The following SYPL1 variants were observed in gnomAD, a reference collection of about 807,000 sequenced individuals.
SYPL1 encodes synaptophysin-like protein 1.
Under a neutral mutation model 23.7 loss-of-function variants are expected in SYPL1, and 6 were observed. The ratio of observed to expected loss-of-function variants is 0.25; its 90% CI spans 0.14 to 0.50. The LOEUF is 0.50. Ranked by LOEUF, SYPL1 falls within the 20% of genes least tolerant of loss-of-function variation. The pLI is 0.98. For synonymous variants in SYPL1, 102 were observed against 104.5 expected (o/e 0.98, Z 0.15); for missense variants, 253 against 288.9 (o/e 0.88, Z 0.90).
In SYPL1 at chr7:106,112,120, C is replaced by T; in HGVS notation, c.69+20G>A. ...CGCGCCGAGCGGCAGGCGGGCCTGGCCGGCGCGGGCTGCACTCACCCACTC... is the reference window on the plus strand; with the variant it reads ...CGCGCCGAGCGGCAGGCGGGCCTGGTCGGCGCGGGCTGCACTCACCCACTC... On this transcript the variant is annotated intron_variant, in intron 1 of 4. Coordinates refer to ENST00000455385, the MANE Select transcript of SYPL1 (RefSeq NM_182715.4). The T allele has an allele frequency of 1.4e-6, 2 of 1,441,978 alleles. No homozygotes were observed. Among genetic ancestry groups the T allele is most frequent in the Admixed American group, 2.1e-5 (1 of 48,566 alleles). The allele number at this position is 1,441,978 out of a possible 1,614,324, so 89.3% of individuals were successfully genotyped here. A position where few individuals can be genotyped will look rare whatever the true frequency, so the allele number is the denominator to read the frequency against.
chr7:106,111,276 A>G (rs971531132), intron 1 of SYPL1, among the ~76,000 whole-genome samples: 4 of 152,216 alleles, frequency 2.6e-5, no homozygotes, highest in Admixed American at 2.6e-4. Context: ...CGAAAAAGCT[A>G]TGGATGTAAA....
rs1013855052 is a variant in SYPL1 at position 106,095,739 on chromosome 7, A to C, written c.402+1951T>G. On this transcript the variant is annotated intron_variant, in intron 3 of 4. Coordinates refer to ENST00000455385, the MANE Select transcript of SYPL1 (RefSeq NM_182715.4). This position sits in a 1 kb window ranked among gnomAD's most constrained non-coding sequence, Gnocchi z 4.3. ...TAGAAGCTAGACTTTTATAGACAAG[A>C]AGCACCCATTATGTAACAATAAAAA... Among the ~76,000 whole-genome samples, 14 of 152,196 alleles carry C rather than the reference A, an allele frequency of 9.2e-5. No individual in the cohort carries two copies. The highest frequency in any genetic ancestry group is 3.4e-4 in the African/African-American group (14 of 41,458).
Position 106,090,684 on chromosome 7 carries a change from A to C in SYPL1, c.*1121T>G, listed in dbSNP as rs1373847481. On this transcript the variant is annotated 3_prime_UTR_variant, in exon 5 of 5. Transcript: ENST00000455385. ...CTGTACAACAAAAAGATTAGGAAGC[A>C]AAATGTGAATAAGCTTGTATTCAGA... 6.6e-6 allele frequency: 1 copy of C among 152,618 alleles called. No homozygotes were observed. The highest frequency in any genetic ancestry group is 1.5e-5 in the Non-Finnish European group (1 of 68,048). The allele number at this position is 152,618 out of a possible 1,614,324, so 9.5% of individuals were successfully genotyped here. A position where few individuals can be genotyped will look rare whatever the true frequency, so the allele number is the denominator to read the frequency against.
At chr7:106,101,518 G>A (rs1028737521) in intron 1 of SYPL1, among the ~76,000 whole-genome samples, 26 of 134,870 alleles carry the variant, frequency 1.9e-4, no homozygotes, top group African/African-American at 6.3e-4. Context: ...AGAGTCTGAG[G>A]TAATGTCCAG....
At chr7:106,112,534 C>T (rs200891171), upstream of SYPL1, 1 of 1,510,894 alleles carries the variant, frequency 6.6e-7, no homozygotes, top group East Asian at 2.9e-5. Flanking sequence ...CGCCATACTG[C>T]GTGCGCCGCG....
upstream of SYPL1, chr7:106,112,523 G>A (rs746091652): frequency 6.6e-7 from 1 of 1,518,170 alleles, no homozygotes; most frequent in Non-Finnish European, 8.8e-7. Flanking sequence ...TAGATGTTGG[G>A]CGCCATACTG....
intron 1 of SYPL1, among the ~76,000 whole-genome samples, chr7:106,101,040 T>C (rs1840281834): frequency 1.3e-5 from 2 of 152,198 alleles, no homozygotes; most frequent in African/African-American, 4.8e-5. Flanking sequence ...CTGGAATACA[T>C]GCTTCACTCC....
At position 106,096,124 on chromosome 7, in the gene SYPL1, A is replaced by G. The variant is rs554127823; in HGVS notation, c.402+1566T>C. Among the ~76,000 whole-genome samples the G allele has an allele frequency of 6.6e-6, 1 of 152,228 alleles. No homozygotes were observed. The highest frequency in any genetic ancestry group is 2.1e-4 in the South Asian group (1 of 4,828). ...AAGATTTGAAAAGTCTGCAGAAGAC[A>G]CAGATTCCTAACAAGTATGTTGGAT... On this transcript the variant is annotated intron_variant, in intron 3 of 4. Coordinates refer to ENST00000455385, the MANE Select transcript of SYPL1 (RefSeq NM_182715.4). The surrounding 1 kb of genome is among the most constrained non-coding windows in gnomAD (Gnocchi z 4.4).
At chr7:106,094,249 C>T (rs1295805066) in intron 3 of SYPL1, among the ~76,000 whole-genome samples, 1 of 151,860 alleles carries the variant, frequency 6.6e-6, no homozygotes. Flanking sequence ...TAGGTTGGTG[C>T]AAAAGTTATT....
At position 106,091,639 on chromosome 7, in the gene SYPL1, T is replaced by C. The variant is rs1044015817; in HGVS notation, c.*166A>G. On this transcript the variant is annotated 3_prime_UTR_variant, in exon 5 of 5. Transcript: ENST00000455385. The surrounding 1 kb of genome is among the most constrained non-coding windows in gnomAD (Gnocchi z 5.0). ...TGTGAGAATACATTTACATCTTAAC[T>C]TTCTAGGAAAGGCACAGGCTTTATG... The C allele has an allele frequency of 2.5e-5, 16 of 646,748 alleles. No individual in the cohort carries two copies. The African/African-American group carries it at 3.0e-4, about 12-fold the overall frequency. The allele number at this position is 646,748 out of a possible 1,614,324, so 40.1% of individuals were successfully genotyped here.
intron 1 of SYPL1, among the ~76,000 whole-genome samples, chr7:106,111,502 C>T (rs117783445): frequency 0.014 from 2,207 of 152,290 alleles, 26 homozygotes; most frequent in Middle Eastern, 0.031. Flanking sequence ...TTTGGAAATA[C>T]CCCAAACAAA....
rs1840490686 is a variant in SYPL1 at position 106,104,479 on chromosome 7, A to G, written c.70-5197T>C. Among the ~76,000 whole-genome samples the G allele has an allele frequency of 1.3e-5, 2 of 152,214 alleles. No individual in the cohort carries two copies. Among genetic ancestry groups the G allele is most frequent in the Non-Finnish European group, 2.9e-5 (2 of 68,036 alleles). ...TGCACTACAGCTTGTTGCTTTCAAG[A>G]CTATCACTTCTACTGCTCCTTTGCC... On this transcript the variant is annotated intron_variant, in intron 1 of 4. Coordinates refer to ENST00000455385, the MANE Select transcript of SYPL1 (RefSeq NM_182715.4). This position sits in a 1 kb window ranked among gnomAD's most constrained non-coding sequence, Gnocchi z 4.1.
At chr7:106,099,059 A>G in intron 2 of SYPL1, 99 bp downstream of exon 2, 1 of 1,473,388 alleles carries the variant, frequency 6.8e-7, no homozygotes. Context: ...TACAGTCTAA[A>G]ATTTTCTACC....
chr7:106,090,966 G>A lies in SYPL1; in HGVS notation c.*839C>T, dbSNP rs1839699931. 1.3e-5 allele frequency: 2 copies of A among 152,096 alleles called. No homozygotes were observed. Among genetic ancestry groups the A allele is most frequent in the Non-Finnish European group, 1.5e-5 (1 of 68,008 alleles). 9.4% of individuals were successfully genotyped at this position (152,096 alleles called of 1,614,324 possible). On this transcript the variant is annotated 3_prime_UTR_variant, in exon 5 of 5. Coordinates refer to ENST00000455385, the MANE Select transcript of SYPL1 (RefSeq NM_182715.4). ...CCTTTGACTAGGGTCTGTAAAAAAC[G>A]GTGGATTATTTTACTGTACTTACAA...
chr7:106,112,404 G>C (rs1790218251), upstream of SYPL1: 2 of 1,205,526 alleles, frequency 1.7e-6, no homozygotes, highest in Admixed American at 4.3e-5. Flanking sequence ...CTCTGGGGCG[G>C]AAACGGAGTG....
At chr7:106,112,514 A>G (rs757747921), upstream of SYPL1, 1 of 1,524,094 alleles carries the variant, frequency 6.6e-7, no homozygotes, top group African/African-American at 1.4e-5. Context: ...CGAACCAAGT[A>G]GATGTTGGGC....
chr7:106,112,010 T>C, intron 1 of SYPL1, 130 bp downstream of exon 1: 1 of 1,111,270 alleles, frequency 9.0e-7, no homozygotes, highest in Non-Finnish European at 1.1e-6. Flanking sequence ...TGCCGTCCAC[T>C]CCCAGTCCCG....
Position 106,097,448 on chromosome 7 carries a change from T to C in SYPL1, c.402+242A>G, listed in dbSNP as rs377625208. ...CTATTTGTAACCTGATGTGCTTTAT[T>C]ACATATCTGAGTTTTTTCCAAGTTA... is the stretch of plus-strand genomic sequence containing the variant. On this transcript the variant is annotated intron_variant, in intron 3 of 4. Transcript: ENST00000455385. This position sits in a 1 kb window ranked among gnomAD's most constrained non-coding sequence, Gnocchi z 4.6. Among the ~76,000 whole-genome samples the C allele has an allele frequency of 2.6e-5, 4 of 152,302 alleles. No homozygotes were observed. In the East Asian group the frequency reaches 5.8e-4, roughly 22 times the overall value.
chr7:106,097,803 CAGA>C lies in SYPL1; in HGVS notation c.286_288del (p.Ser96del), dbSNP rs770516828. ...ACTGCAAAGGTAACATAGAATTGTG[CAGA>C]AGAAGAGTAATCGCCTATGAGGACG... On this transcript the variant is annotated inframe_deletion, in exon 3 of 5. Coordinates refer to ENST00000455385, the MANE Select transcript of SYPL1 (RefSeq NM_182715.4). The surrounding 1 kb of genome is among the most constrained non-coding windows in gnomAD (Gnocchi z 4.6). 8 of 1,614,042 alleles carry C rather than the reference CAGA, an allele frequency of 5.0e-6. No homozygotes were observed. Among genetic ancestry groups the C allele is most frequent in the South Asian group, 4.4e-5 (4 of 91,084 alleles).
Sources: gnomAD v4.1 joint callset for allele counts (sites outside exome capture counted in the v4.1 genomes callset) on GRCh38, gnomAD v4.1.1 for gene constraint, Gnocchi (gnomAD v3.1) non-coding constraint, MANE v1.5 for transcripts, NCBI Gene and HGNC (gene_info 2026-07-23, HGNC 2026-07-21) for gene names.